The following MORC1 variants were observed in gnomAD, a reference collection of about 807,000 sequenced individuals.
MORC1 encodes the protein MORC family CW-type zinc finger protein 1.
In MORC1, 59 loss-of-function variants were observed where a neutral mutation model predicts 134.9. The ratio of observed to expected loss-of-function variants is 0.44; its 90% confidence interval spans 0.35 to 0.54. MORC1 has a LOEUF of 0.54. MORC1 is among the 20% of genes least tolerant of loss of function. MORC1 has a pLI of 0.00. For synonymous variants in MORC1, 395 were observed against 391.7 expected, an observed-to-expected ratio of 1.01 and a Z score of -0.10; for missense variants, 947 against 1,134.5, an observed-to-expected ratio of 0.83 and a Z score of 2.37.
In MORC1 at chr3:109,038,034, G is replaced by A. The variant is rs546391209; in HGVS notation, c.1331-2566C>T. 3.3e-5 allele frequency among the ~76,000 whole-genome samples: 5 copies of A among 152,268 alleles called. No individual in the cohort carries two copies. The East Asian group carries it at 9.7e-4, about 29-fold the overall frequency. On this transcript the variant is annotated intron_variant, in intron 14 of 27. Coordinates refer to ENST00000232603, the MANE Select transcript of MORC1 (RefSeq NM_014429.4). The stretch of plus-strand genomic sequence containing the variant: ...AATTGCCACACTGTCTTCCACAATG[G>A]TTGAACTAATTTACACTCCCACCAA...
At chr3:109,102,577 T>A (rs1223484696) in intron 4 of MORC1, among the ~76,000 whole-genome samples, 1 of 152,176 alleles carries the variant, frequency 6.6e-6, no homozygotes, top group Non-Finnish European at 1.5e-5. Context: ...CTTTTAGTCA[T>A]CTTCCTTCTA....
chr3:109,079,929 T>A (rs1407233208), intron 8 of MORC1, among the ~76,000 whole-genome samples: 1 of 152,166 alleles, frequency 6.6e-6, no homozygotes, highest in Admixed American at 6.6e-5. Flanking sequence ...TAGAACTATA[T>A]GAAGAAGTAA....
Position 108,973,594 on chromosome 3 carries a change from G to GTTTTTT in MORC1, c.2478-2193_2478-2192insAAAAAA, listed in dbSNP as rs1559863612. Among the ~76,000 whole-genome samples, 2 of 123,396 alleles carry GTTTTTT rather than the reference G, an allele frequency of 1.6e-5. 1 individual carries two copies. 81.0% of individuals were successfully genotyped at this position (123,396 alleles called of 152,430 possible). ...GTTCGTTTTTTGTTTGCTTTGTTTTGGTTTTTTTTTTTTTTTTTCAGACTG... is the reference window on the plus strand; with the variant it reads ...GTTCGTTTTTTGTTTGCTTTGTTTTGTTTTTTGTTTTTTTTTTTTTTTTTCAGACTG... On this transcript the variant is annotated intron_variant, in intron 24 of 27. Transcript: ENST00000232603.
At chr3:109,116,340 T>TA (rs1322229601) in intron 1 of MORC1, among the ~76,000 whole-genome samples, 1 of 152,184 alleles carries the variant, frequency 6.6e-6, no homozygotes, top group Non-Finnish European at 1.5e-5. Context: ...TGGCTTGGAC[T>TA]AAAGTCAGTG....
At chr3:108,991,572 C>T (rs535031386) in intron 21 of MORC1, among the ~76,000 whole-genome samples, 1 of 152,256 alleles carries the variant, frequency 6.6e-6, no homozygotes, top group East Asian at 1.9e-4. Flanking sequence ...GTAGTTCATC[C>T]TTTTTCTGTC....
At chr3:108,997,029 A>T (rs954371860) in intron 21 of MORC1, among the ~76,000 whole-genome samples, 49 of 150,304 alleles carry the variant, frequency 3.3e-4, no homozygotes, top group African/African-American at 1.1e-3. Flanking sequence ...AAAAAAAAAA[A>T]AAAAAAATGC....
intron 13 of MORC1, among the ~76,000 whole-genome samples, chr3:109,055,176 C>T (rs1415952271): frequency 1.3e-5 from 2 of 152,114 alleles, no homozygotes; most frequent in Non-Finnish European, 2.9e-5. Flanking sequence ...GAAGGCAAGG[C>T]CTTTTGACAT....
intron 23 of MORC1, among the ~76,000 whole-genome samples, chr3:108,983,943 A>ACTCT (rs1321310995): frequency 1.3e-5 from 2 of 152,224 alleles, no homozygotes. Flanking sequence ...AAGTAGAGGC[A>ACTCT]TGAGAGAAGA....
At chr3:109,052,186 C>T (rs1293658023) in intron 14 of MORC1, among the ~76,000 whole-genome samples, 1 of 151,972 alleles carries the variant, frequency 6.6e-6, no homozygotes, top group Non-Finnish European at 1.5e-5. Flanking sequence ...ATATTTATAC[C>T]TTACACGTTT....
rs1252306668 is a variant in MORC1 at position 109,007,012 on chromosome 3, C to T, written c.1767+17G>A. On this transcript the variant is annotated intron_variant, in intron 18 of 27. Transcript: ENST00000232603. ...AAAACATGACACAAATTGCTTAATC[C>T]TATATTAATTACTCACCTTATGTGC... 5.0e-6 allele frequency: 8 copies of T among 1,592,008 alleles called. No homozygotes were observed. The highest frequency in any genetic ancestry group is 1.7e-4 in the Middle Eastern group (1 of 5,994).
chr3:109,072,093 G>A (rs374911705), intron 8 of MORC1, among the ~76,000 whole-genome samples: 2 of 152,254 alleles, frequency 1.3e-5, no homozygotes, highest in African/African-American at 4.8e-5. Flanking sequence ...AAGGCAAAGA[G>A]GGCTAAATAT....
Position 109,091,441 on chromosome 3 carries a change from CTAAAAAAATAAATAAA to C in MORC1, c.689+1979_689+1994del, listed in dbSNP as rs1249078722. The stretch of plus-strand genomic sequence containing the variant: ...CCTGGGCAACAGGGTGAGACTCCAT[CTAAAAAAATAAATAAA>C]TAAATAAATAAATAAATAAATAAAA... On this transcript the variant is annotated intron_variant, in intron 8 of 27. Coordinates refer to ENST00000232603, the MANE Select transcript of MORC1 (RefSeq NM_014429.4). 3.3e-4 allele frequency among the ~76,000 whole-genome samples: 7 copies of C among 21,168 alleles called. No homozygotes were observed. In the East Asian group the frequency reaches 0.028, roughly 86 times the overall value. The allele number at this position is 21,168 out of a possible 152,430, so 13.9% of individuals were successfully genotyped here.
At chr3:109,022,384 C>T (rs76100801) in intron 17 of MORC1, among the ~76,000 whole-genome samples, 4 of 152,170 alleles carry the variant, frequency 2.6e-5, no homozygotes, top group East Asian at 1.9e-4. Flanking sequence ...GCTAAAAGTT[C>T]GGCAAGCCTT....
At chr3:109,013,544 T>C (rs1279459993) in intron 17 of MORC1, among the ~76,000 whole-genome samples, 5 of 152,218 alleles carry the variant, frequency 3.3e-5, no homozygotes, top group Non-Finnish European at 5.9e-5. Context: ...AGATAACGGC[T>C]ATAGCTTTTC....
rs114697250 is a variant in MORC1, at chr3:109,097,713, A to G, written c.423+1645T>C. Among the ~76,000 whole-genome samples, 901 of 152,346 alleles carry G rather than the reference A, an allele frequency of 5.9e-3. 5 individuals are homozygous for G. Among genetic ancestry groups the G allele is most frequent in the Non-Finnish European group, 8.8e-3 (598 of 68,048 alleles). On this transcript the variant is annotated intron_variant, in intron 6 of 27. Transcript: ENST00000232603. ...GACACGAACACAGAAAACCAAGCAA[A>G]TATTCAGTGACAGTAATACACATAA...
intron 27 of MORC1, among the ~76,000 whole-genome samples, chr3:108,962,013 C>T (rs1947092657): frequency 6.6e-6 from 1 of 152,138 alleles, no homozygotes; most frequent in Non-Finnish European, 1.5e-5. Flanking sequence ...CCATACCAGA[C>T]TTTTAACACA....
chr3:108,978,156 C>CA (rs776341306), intron 24 of MORC1, among the ~76,000 whole-genome samples: 7 of 152,198 alleles, frequency 4.6e-5, no homozygotes, highest in Non-Finnish European at 1.0e-4. Flanking sequence ...GGATTACAGG[C>CA]ATGAGCCACT....
chr3:109,002,100 A>C (rs1948418639), intron 20 of MORC1, among the ~76,000 whole-genome samples: 1 of 152,168 alleles, frequency 6.6e-6, no homozygotes, highest in Non-Finnish European at 1.5e-5. Context: ...TGATCTCTCC[A>C]TCAGAGCATG....
intron 21 of MORC1, 92 bp downstream of exon 21, chr3:109,000,465 A>G: frequency 4.2e-6 from 4 of 961,070 alleles, no homozygotes; most frequent in Non-Finnish European, 4.5e-6. Context: ...TTCCAACTAA[A>G]TGTTTCCACT....
Sources: allele counts gnomAD v4.1 joint callset (sites outside exome capture counted in the v4.1 genomes callset), GRCh38; gene constraint gnomAD v4.1.1; transcripts MANE v1.5; gene names NCBI Gene and HGNC (gene_info 2026-07-23, HGNC 2026-07-21).